The following LRRTM4 variants were observed in gnomAD, a reference collection of about 807,000 sequenced individuals.
LRRTM4 encodes the protein leucine-rich repeat transmembrane neuronal protein 4.
Under a neutral mutation model 47.6 loss-of-function variants are expected in LRRTM4, and 25 were observed. The observed-to-expected ratio is 0.53, with a 90% confidence interval of 0.38 to 0.73. LRRTM4 has a LOEUF of 0.73. LRRTM4 is among the 30% of genes least tolerant of loss of function. LRRTM4 has a pLI of 0.00. For synonymous variants in LRRTM4, 311 were observed against 269.5 expected (o/e 1.15, Z -1.51); for missense variants, 638 against 713.4 (o/e 0.89, Z 1.20).
chr2:76,839,042 C>T (rs1207253184), intron 3 of LRRTM4, among the ~76,000 whole-genome samples: 1 of 152,016 alleles, frequency 6.6e-6, no homozygotes, highest in Non-Finnish European at 1.5e-5. Flanking sequence ...GCCAGATTAC[C>T]TCAAGACCTC....
At chr2:76,863,557 ACTCT>A (rs1672379584) in intron 3 of LRRTM4, among the ~76,000 whole-genome samples, 1 of 151,950 alleles carries the variant, frequency 6.6e-6, no homozygotes, top group Non-Finnish European at 1.5e-5. Flanking sequence ...CAAATCCTGA[ACTCT>A]CTGACATCAA....
chr2:76,832,275 G>T (rs565211603), intron 3 of LRRTM4, among the ~76,000 whole-genome samples: 1 of 151,956 alleles, frequency 6.6e-6, no homozygotes, highest in Non-Finnish European at 1.5e-5. Context: ...AGCGAGCCTA[G>T]AATATGTTGA....
chr2:76,893,225 A>G (rs979285100), intron 3 of LRRTM4, among the ~76,000 whole-genome samples: 8 of 151,634 alleles, frequency 5.3e-5, no homozygotes, highest in Admixed American at 4.6e-4. Context: ...CTCACACTTG[A>G]TCTTTAAAAG....
chr2:77,300,716 T>C (rs938974405), intron 3 of LRRTM4, among the ~76,000 whole-genome samples: 1 of 152,186 alleles, frequency 6.6e-6, no homozygotes, highest in African/African-American at 2.4e-5. Context: ...ATATTTAATA[T>C]ATTTAATATG....
intron 3 of LRRTM4, among the ~76,000 whole-genome samples, chr2:76,752,380 G>A (rs1433146878): frequency 4.6e-5 from 7 of 152,058 alleles, no homozygotes; most frequent in East Asian, 1.9e-4. Flanking sequence ...AAAGCTTTAC[G>A]TTTACATATT....
intron 3 of LRRTM4, among the ~76,000 whole-genome samples, chr2:76,783,224 G>A (rs1674492860): frequency 6.6e-6 from 1 of 152,122 alleles, no homozygotes; most frequent in African/African-American, 2.4e-5. Flanking sequence ...TAAGCAGTAA[G>A]CTAAATGTTG....
chr2:76,773,840 A>C (rs1673827259), intron 3 of LRRTM4, among the ~76,000 whole-genome samples: 1 of 151,956 alleles, frequency 6.6e-6, no homozygotes, highest in South Asian at 2.1e-4. Flanking sequence ...AAAATTACGA[A>C]TAATGGTAGC....
intron 3 of LRRTM4, among the ~76,000 whole-genome samples, chr2:76,831,884 T>C (rs768887081): frequency 2.0e-5 from 3 of 152,172 alleles, no homozygotes; most frequent in Non-Finnish European, 4.4e-5. Flanking sequence ...TGTAGTGTTT[T>C]TGTGTTCTGC....
At chr2:76,953,644 G>A (rs1048810832) in intron 3 of LRRTM4, among the ~76,000 whole-genome samples, 14 of 151,846 alleles carry the variant, frequency 9.2e-5, no homozygotes, top group African/African-American at 2.9e-4. Flanking sequence ...GAGTTCAGCA[G>A]CTTATTGAAG....
chr2:76,889,494 T>A (rs975864882), intron 3 of LRRTM4, among the ~76,000 whole-genome samples: 1 of 152,088 alleles, frequency 6.6e-6, no homozygotes, highest in African/African-American at 2.4e-5. Flanking sequence ...TCTTCAAGAT[T>A]ATTACTGTTC....
rs1225162023 is a variant in LRRTM4 at position 77,503,896 on chromosome 2, T to C, written c.1551+14422A>G. 2.0e-5 allele frequency among the ~76,000 whole-genome samples: 3 copies of C among 151,782 alleles called. No individual in the cohort carries two copies. The East Asian group carries it at 5.8e-4, about 29-fold the overall frequency. ...AAAAAATTATAAAATGTGGTGATGA[T>C]GAAGTCAGTGGCAAGCTTAGCAAGA... On this transcript the variant is annotated intron_variant, in intron 3 of 3. Transcript: ENST00000409884.
chr2:76,781,472 G>A (rs1208832331), intron 3 of LRRTM4, among the ~76,000 whole-genome samples: 2 of 152,252 alleles, frequency 1.3e-5, no homozygotes, highest in Non-Finnish European at 2.9e-5. Flanking sequence ...CCTTTTTTAA[G>A]CCCGTCTGAA....
At chr2:77,181,680 G>A (rs1296355499) in intron 3 of LRRTM4, among the ~76,000 whole-genome samples, 2 of 152,070 alleles carry the variant, frequency 1.3e-5, no homozygotes, top group Non-Finnish European at 2.9e-5. Context: ...TAACTTGTTA[G>A]TATTATTAAG....
chr2:76,767,775 A>G (rs1021455102), intron 3 of LRRTM4, among the ~76,000 whole-genome samples: 1 of 151,746 alleles, frequency 6.6e-6, no homozygotes, highest in Non-Finnish European at 1.5e-5. Context: ...TTATTTTTAC[A>G]TGCCTCTTCA....
chr2:76,873,487 T>C (rs1672688358), intron 3 of LRRTM4, among the ~76,000 whole-genome samples: 1 of 125,494 alleles, frequency 8.0e-6, no homozygotes. Flanking sequence ...TATATATGTG[T>C]GTGTGTATAT....
intron 3 of LRRTM4, among the ~76,000 whole-genome samples, chr2:77,449,460 G>A (rs1397693721): frequency 6.6e-6 from 1 of 152,092 alleles, no homozygotes; most frequent in Non-Finnish European, 1.5e-5. Context: ...TGCCTTTTCA[G>A]AATTTTGACT....
At chr2:77,012,515 C>T (rs1003647688) in intron 3 of LRRTM4, among the ~76,000 whole-genome samples, 4 of 152,194 alleles carry the variant, frequency 2.6e-5, no homozygotes, top group Admixed American at 6.5e-5. Flanking sequence ...CTGAAGATTA[C>T]AGAGAATCAC....
intron 3 of LRRTM4, among the ~76,000 whole-genome samples, chr2:77,273,541 G>A (rs1386224080): frequency 6.6e-6 from 1 of 152,016 alleles, no homozygotes; most frequent in Non-Finnish European, 1.5e-5. Flanking sequence ...AATATAAGTG[G>A]GGGTTATTAT....
At chr2:77,394,137 G>T (rs542949928) in intron 3 of LRRTM4, among the ~76,000 whole-genome samples, 1 of 151,488 alleles carries the variant, frequency 6.6e-6, no homozygotes, top group South Asian at 2.1e-4. Flanking sequence ...TTTACATCAA[G>T]AATCACAGAA....
Sources: gnomAD v4.1 joint callset for allele counts (sites outside exome capture counted in the v4.1 genomes callset) on GRCh38, gnomAD v4.1.1 for gene constraint, MANE v1.5 for transcripts, NCBI Gene and HGNC (gene_info 2026-07-23, HGNC 2026-07-21) for gene names.